Variants in PEMT observed in about 807,000 individuals in gnomAD.
The protein encoded by PEMT is phospholipid methyltransferase.
PEMT carries 23 observed loss-of-function variants against 27.4 expected under a neutral mutation model. The ratio of observed to expected loss-of-function variants is 0.84; its 90% CI spans 0.60 to 1.19. The LOEUF (loss-of-function observed/expected upper bound fraction) is 1.19, where lower values mean the gene tolerates loss of function less well. Ranked by LOEUF, PEMT falls within the 50% of genes most tolerant of loss-of-function variation. PEMT has a pLI of 0.00. For synonymous variants in PEMT, 137 were observed against 139.1 expected (o/e 0.98, Z 0.11); for missense variants, 307 against 310.1 (o/e 0.99, Z 0.07).
chr17:17,543,850 A>G (rs1393751852), intron 2 of PEMT, among the ~76,000 whole-genome samples: 2 of 152,170 alleles, frequency 1.3e-5, no homozygotes, highest in African/African-American at 4.8e-5. Flanking sequence ...GGCGTGAGCC[A>G]CGGCGCCCAG....
At chr17:17,556,508 G>A (rs761131034) in intron 2 of PEMT, among the ~76,000 whole-genome samples, 1 of 152,132 alleles carries the variant, frequency 6.6e-6, no homozygotes, top group Non-Finnish European at 1.5e-5. Context: ...CGAGTAGCTG[G>A]GATTACAGGC....
intron 2 of PEMT, among the ~76,000 whole-genome samples, chr17:17,540,460 C>T (rs1312018696): frequency 6.6e-6 from 1 of 152,192 alleles, no homozygotes; most frequent in Non-Finnish European, 1.5e-5. Context: ...GTCAGGGGAA[C>T]TGAGCCCCAG....
At chr17:17,555,718 G>C (rs968903342) in intron 2 of PEMT, among the ~76,000 whole-genome samples, 3 of 152,236 alleles carry the variant, frequency 2.0e-5, no homozygotes, top group Admixed American at 6.5e-5. Flanking sequence ...AGCCTGTCAC[G>C]ATCATCCCAG....
chr17:17,578,687 T>C (rs147128567), intron 1 of PEMT: 1 of 152,244 alleles, frequency 6.6e-6, no homozygotes, highest in East Asian at 1.9e-4. Context: ...AAGATTAGTA[T>C]GGCCCCTGCA....
chr17:17,548,572 C>T (rs1237766848), intron 2 of PEMT, among the ~76,000 whole-genome samples: 1 of 151,968 alleles, frequency 6.6e-6, no homozygotes, highest in Non-Finnish European at 1.5e-5. Context: ...TTTTGAGACG[C>T]AGTTTCGCTC....
At chr17:17,531,319 C>T (rs186016396) in intron 2 of PEMT, among the ~76,000 whole-genome samples, 4 of 150,470 alleles carry the variant, frequency 2.7e-5, no homozygotes, top group Admixed American at 6.6e-5. Context: ...AGGACACTAA[C>T]GCATTATTCT....
rs566039656 is a variant in PEMT at position 17,507,000 on chromosome 17, G to A, written c.579-699C>T. ...CAGAGCATACAGCAGGCCCAAGGCC[G>A]GATGGAGCATCGCCAGGGGCTCTTT... On this transcript the variant is annotated intron_variant, in intron 5 of 6. Transcript: ENST00000255389. 1.8e-3 allele frequency: 1,204 copies of A among 673,322 alleles called. 9 individuals carry two copies. The highest frequency in any genetic ancestry group is 8.5e-3 in the South Asian group (477 of 56,210). The allele number at this position is 673,322 out of a possible 1,614,324, so 41.7% of individuals were successfully genotyped here. A position where few individuals can be genotyped will look rare whatever the true frequency, so the allele number is the denominator to read the frequency against.
intron 3 of PEMT, among the ~76,000 whole-genome samples, chr17:17,517,386 T>C (rs1906920762): frequency 1.3e-5 from 2 of 152,248 alleles, no homozygotes; most frequent in South Asian, 4.1e-4. Flanking sequence ...GTCGCTTTTT[T>C]CTGCCATGGA....
At chr17:17,566,146 GA>G (rs1231109098) in intron 2 of PEMT, among the ~76,000 whole-genome samples, 26 of 152,198 alleles carry the variant, frequency 1.7e-4, no homozygotes, top group Non-Finnish European at 3.5e-4. Context: ...AGCCTCCAAA[GA>G]AGACCCAGGA....
chr17:17,516,468 C>T (rs1462248884), intron 3 of PEMT, among the ~76,000 whole-genome samples: 1 of 152,092 alleles, frequency 6.6e-6, no homozygotes, highest in East Asian at 1.9e-4. Flanking sequence ...AACAGGGAAG[C>T]AGATGGTAGA....
chr17:17,556,990 C>G (rs1910099982), intron 2 of PEMT, among the ~76,000 whole-genome samples: 2 of 152,182 alleles, frequency 1.3e-5, no homozygotes, highest in South Asian at 4.1e-4. Context: ...TCCGCAGGGG[C>G]TCTAAGAGGA....
At chr17:17,546,138 G>GCGA (rs1486915739) in intron 2 of PEMT, among the ~76,000 whole-genome samples, 1 of 152,228 alleles carries the variant, frequency 6.6e-6, no homozygotes, top group Non-Finnish European at 1.5e-5. Context: ...CCTCCCTGGG[G>GCGA]CGATGCACAG....
chr17:17,579,561 C>G (rs962725961), intron 1 of PEMT, among the ~76,000 whole-genome samples: 10 of 152,164 alleles, frequency 6.6e-5, no homozygotes, highest in African/African-American at 2.2e-4. Flanking sequence ...GCCTATAATC[C>G]CAGCTACTCA....
intron 2 of PEMT, among the ~76,000 whole-genome samples, chr17:17,545,799 G>A (rs968950304): frequency 9.8e-5 from 15 of 152,330 alleles, no homozygotes; most frequent in African/African-American, 3.1e-4. Context: ...CGTTCGTGAC[G>A]TCAGCTACCA....
intron 2 of PEMT, among the ~76,000 whole-genome samples, chr17:17,560,893 G>A (rs768999047): frequency 6.6e-6 from 1 of 151,578 alleles, no homozygotes; most frequent in Non-Finnish European, 1.5e-5. Flanking sequence ...TGTCCTTCCC[G>A]CTCCCAAGAC....
chr17:17,515,249 C>T (rs1906734012), intron 3 of PEMT, among the ~76,000 whole-genome samples: 1 of 152,230 alleles, frequency 6.6e-6, no homozygotes, highest in Non-Finnish European at 1.5e-5. Context: ...AGGGAACTTC[C>T]TCCCTCTGGT....
chr17:17,588,904 G>A (rs979193710), intron 1 of PEMT, among the ~76,000 whole-genome samples: 5 of 152,268 alleles, frequency 3.3e-5, no homozygotes, highest in Admixed American at 3.3e-4. Context: ...AGTCAGTGGG[G>A]CTGCAGCGGG....
At chr17:17,550,601 T>C (rs1244400104) in intron 2 of PEMT, among the ~76,000 whole-genome samples, 1 of 152,226 alleles carries the variant, frequency 6.6e-6, no homozygotes, top group Admixed American at 6.5e-5. Context: ...TTTATTGTCA[T>C]GCATTTGTGT....
At position 17,591,628 on chromosome 17, in the gene PEMT, C is replaced by T. The variant is rs1242119781; in HGVS notation, c.-2G>A. 3.1e-6 allele frequency: 5 copies of T among 1,610,430 alleles called. No homozygotes were observed. In the East Asian group the frequency reaches 6.7e-5, roughly 22 times the overall value. On this transcript the variant is annotated 5_prime_UTR_variant, in exon 1 of 7. Transcript: ENST00000255389. ...TCCCGGGTTCCCAGATCTCTTCATC[C>T]GGGGGCCGCCTCAGGAGGCACCACG... is the stretch of plus-strand genomic sequence containing the variant.
Sources: gnomAD v4.1 joint callset for allele counts (sites outside exome capture counted in the v4.1 genomes callset) on GRCh38, gnomAD v4.1.1 for gene constraint, MANE v1.5 for transcripts, NCBI Gene and HGNC (gene_info 2026-07-23, HGNC 2026-07-21) for gene names.